GRIA4: variants seen among roughly 807,000 people sequenced by gnomAD.
GRIA4 encodes the protein glutamate receptor 4.
A neutral mutation model predicts 104.0 loss-of-function variants in GRIA4; 34 were observed. That is an observed-to-expected ratio of 0.33 (90% CI 0.25 to 0.44). The LOEUF (loss-of-function observed/expected upper bound fraction) is 0.44, where lower values mean the gene tolerates loss of function less well. GRIA4 is among the 20% of genes least tolerant of loss of function. The probability of loss-of-function intolerance (pLI) is 1.00; values close to 1 mark genes in which losing one functional copy is unlikely to be tolerated. For synonymous variants in GRIA4, 386 were observed against 381.9 expected (o/e 1.01, Z -0.13); for missense variants, 750 against 1,096.5 (o/e 0.68, Z 4.46).
chr11:105,850,604 G>A (rs1270567190), intron 4 of GRIA4, among the ~76,000 whole-genome samples: 1 of 152,104 alleles, frequency 6.6e-6, no homozygotes, highest in Non-Finnish European at 1.5e-5. Flanking sequence ...AACCAAACTG[G>A]ACCACAGGGC....
intron 3 of GRIA4, among the ~76,000 whole-genome samples, chr11:105,714,281 G>GA (rs751246741): frequency 8.4e-4 from 128 of 151,514 alleles, no homozygotes; most frequent in Admixed American, 1.6e-3. Flanking sequence ...ATATATAATT[G>GA]AAACTCAAAG....
chr11:105,825,010 G>A (rs202178866), intron 4 of GRIA4, among the ~76,000 whole-genome samples: 2 of 151,962 alleles, frequency 1.3e-5, no homozygotes, highest in African/African-American at 2.4e-5. Flanking sequence ...GTCAGTGAAC[G>A]ACTCAGACAC....
chr11:105,696,898 G>A (rs1016219559), intron 3 of GRIA4, among the ~76,000 whole-genome samples: 11 of 151,970 alleles, frequency 7.2e-5, no homozygotes, highest in African/African-American at 2.4e-4. Context: ...CCAAATAGCT[G>A]GGATTATAGG....
chr11:105,924,081 C>T (rs1020103702), intron 11 of GRIA4, among the ~76,000 whole-genome samples: 3 of 152,162 alleles, frequency 2.0e-5, no homozygotes, highest in African/African-American at 7.2e-5. Context: ...CAAGTCTCCT[C>T]TGCACTGTCC....
At chr11:105,731,433 G>A (rs1015581536) in intron 3 of GRIA4, among the ~76,000 whole-genome samples, 2 of 152,138 alleles carry the variant, frequency 1.3e-5, no homozygotes, top group East Asian at 3.9e-4. Context: ...TGGTGGGAGT[G>A]TAAATTAGTT....
At chr11:105,789,720 C>A (rs1352069235) in intron 4 of GRIA4, among the ~76,000 whole-genome samples, 1 of 152,098 alleles carries the variant, frequency 6.6e-6, no homozygotes, top group East Asian at 1.9e-4. Context: ...TTTCTGTTGA[C>A]ATTACTTAAA....
At chr11:105,925,672 T>C (rs1433281358) in intron 12 of GRIA4, among the ~76,000 whole-genome samples, 1 of 152,098 alleles carries the variant, frequency 6.6e-6, no homozygotes, top group East Asian at 1.9e-4. Flanking sequence ...TTGAAAACTT[T>C]CAATTAATGA....
intron 3 of GRIA4, among the ~76,000 whole-genome samples, chr11:105,664,039 A>G (rs1807326502): frequency 6.7e-6 from 1 of 150,068 alleles, no homozygotes; most frequent in African/African-American, 2.5e-5. Context: ...AGCTATATGT[A>G]TCACTAGTAG....
intron 3 of GRIA4, among the ~76,000 whole-genome samples, chr11:105,677,934 T>C (rs943198711): frequency 1.3e-5 from 2 of 151,956 alleles, no homozygotes; most frequent in South Asian, 4.1e-4. Context: ...AGCATATTTG[T>C]TTGTCTGTGT....
At chr11:105,976,984 T>C (rs1007671952) in intron 16 of GRIA4, among the ~76,000 whole-genome samples, 1 of 151,822 alleles carries the variant, frequency 6.6e-6, no homozygotes, top group African/African-American at 2.4e-5. Flanking sequence ...AATAGGAGGG[T>C]GTATTTGAGA....
chr11:105,905,625 A>G (rs1320772030), intron 9 of GRIA4, among the ~76,000 whole-genome samples: 1 of 152,244 alleles, frequency 6.6e-6, no homozygotes, highest in Non-Finnish European at 1.5e-5. Context: ...GAAGCAGTAA[A>G]GAGACATAAG....
At chr11:105,829,675 T>C (rs573906856) in intron 4 of GRIA4, among the ~76,000 whole-genome samples, 2 of 151,714 alleles carry the variant, frequency 1.3e-5, no homozygotes, top group South Asian at 4.2e-4. Flanking sequence ...CTAACAGAGG[T>C]GCTGGTGTCT....
At chr11:105,976,592 T>A (rs1196294742) in intron 16 of GRIA4, among the ~76,000 whole-genome samples, 1 of 152,054 alleles carries the variant, frequency 6.6e-6, no homozygotes, top group East Asian at 1.9e-4. Context: ...CAGTTTTTAT[T>A]GTACTCTCAA....
chr11:105,859,780 A>C (rs2136013464), intron 4 of GRIA4, among the ~76,000 whole-genome samples: 1 of 152,270 alleles, frequency 6.6e-6, no homozygotes, highest in African/African-American at 2.4e-5. Context: ...TAAAAGGAGA[A>C]AAAAGAAAAG....
chr11:105,981,641 T>TCATGAC lies in GRIA4; in HGVS notation c.*1904_*1909dup, dbSNP rs1399499407. On this transcript the variant is annotated 3_prime_UTR_variant, in exon 17 of 17. Transcript: ENST00000282499. Reference sequence around the variant, plus strand: ...TCTTGAGAAGATCACATGAGCCCCTTCATGACCTGGCGCTTGCTTATTTCT... The same window carrying TCATGAC: ...TCTTGAGAAGATCACATGAGCCCCTTCATGACCATGACCTGGCGCTTGCTTATTTCT... The TCATGAC allele has an allele frequency of 2.0e-5, 3 of 150,498 alleles. No homozygotes were observed. Among genetic ancestry groups the TCATGAC allele is most frequent in the African/African-American group, 7.4e-5 (3 of 40,582 alleles). The allele number at this position is 150,498 out of a possible 1,614,324, so 9.3% of individuals were successfully genotyped here. A position where few individuals can be genotyped will look rare whatever the true frequency, so the allele number is the denominator to read the frequency against.
rs367694086 is a variant in GRIA4, at chr11:105,736,439, A to G, written c.248-16542A>G. 2.0e-5 allele frequency among the ~76,000 whole-genome samples: 3 copies of G among 152,170 alleles called. No homozygotes were observed. In the South Asian group the frequency reaches 6.2e-4, roughly 31 times the overall value. On this transcript the variant is annotated intron_variant, in intron 3 of 16. Transcript: ENST00000282499. The stretch of plus-strand genomic sequence containing the variant: ...TTGAAATACTCATGATTATTTATTC[A>G]GAATAATAACTGTTACTACACAATT...
chr11:105,943,231 A>C (rs901347185), intron 14 of GRIA4, among the ~76,000 whole-genome samples: 4 of 152,034 alleles, frequency 2.6e-5, no homozygotes, highest in Non-Finnish European at 5.9e-5. Context: ...TAAGGAAAGC[A>C]CTCCTCTGTA....
At chr11:105,833,946 A>T (rs181173405) in intron 4 of GRIA4, among the ~76,000 whole-genome samples, 16 of 152,198 alleles carry the variant, frequency 1.1e-4, no homozygotes, top group Admixed American at 3.3e-4. Context: ...GTTCACCTAC[A>T]ATCATTTTAC....
chr11:105,611,547 C>G (rs1950481675), intron 2 of GRIA4, among the ~76,000 whole-genome samples: 1 of 152,164 alleles, frequency 6.6e-6, no homozygotes, highest in South Asian at 2.1e-4. Flanking sequence ...CATTTCCACC[C>G]GCACGCCCTG....
Sources: gnomAD v4.1 joint callset for allele counts (sites outside exome capture counted in the v4.1 genomes callset) on GRCh38, gnomAD v4.1.1 for gene constraint, MANE v1.5 for transcripts, NCBI Gene and HGNC (gene_info 2026-07-23, HGNC 2026-07-21) for gene names.